Variants in MIPEP observed in about 807,000 individuals in gnomAD.
The protein encoded by MIPEP is mitochondrial intermediate peptidase.
Under a neutral mutation model 90.3 loss-of-function variants are expected in MIPEP, and 79 were observed. The observed-to-expected ratio is 0.87, with a 90% CI of 0.73 to 1.05. The LOEUF (loss-of-function observed/expected upper bound fraction) is 1.05, where lower values mean the gene tolerates loss of function less well. MIPEP is among the 50% of genes least tolerant of loss of function. The pLI is 0.00. For synonymous variants in MIPEP, 334 were observed against 315.8 expected (o/e 1.06, Z -0.61); for missense variants, 940 against 905.6 (o/e 1.04, Z -0.49).
intron 16 of MIPEP, among the ~76,000 whole-genome samples, chr13:23,762,086 CT>C (rs1266282139): frequency 2.0e-5 from 3 of 152,056 alleles, no homozygotes; most frequent in African/African-American, 7.2e-5. Context: ...GATCGCACCA[CT>C]GCACTCCAGC....
chr13:23,764,737 A>T (rs567886515), intron 16 of MIPEP, among the ~76,000 whole-genome samples: 18 of 152,144 alleles, frequency 1.2e-4, no homozygotes, highest in East Asian at 1.2e-3. Context: ...TTTAAAAAAA[A>T]TTTTTGTAGA....
chr13:23,811,438 CT>C (rs1438414084), intron 14 of MIPEP, among the ~76,000 whole-genome samples: 8 of 152,138 alleles, frequency 5.3e-5, no homozygotes, highest in Admixed American at 2.6e-4. Flanking sequence ...TATAGTTAAA[CT>C]TTGAGGCTAG....
At chr13:23,780,376 G>A (rs1253120618) in intron 16 of MIPEP, among the ~76,000 whole-genome samples, 1 of 152,222 alleles carries the variant, frequency 6.6e-6, no homozygotes, top group African/African-American at 2.4e-5. Context: ...AACTCCAACA[G>A]ACCTGCAGCT....
At chr13:23,758,292 AT>A (rs990008423) in intron 17 of MIPEP, among the ~76,000 whole-genome samples, 2 of 152,120 alleles carry the variant, frequency 1.3e-5, no homozygotes, top group Non-Finnish European at 2.9e-5. Context: ...TGGCTTTCTG[AT>A]GTAGGCTCCA....
chr13:23,802,978 A>ATCAT (rs1953062690), intron 16 of MIPEP, among the ~76,000 whole-genome samples: 1 of 152,220 alleles, frequency 6.6e-6, no homozygotes, highest in Non-Finnish European at 1.5e-5. Flanking sequence ...GACTTATGAT[A>ATCAT]GTTTCAACTT....
At chr13:23,837,431 T>C in intron 13 of MIPEP, 121 bp downstream of exon 13, 1 of 756,568 alleles carries the variant, frequency 1.3e-6, no homozygotes, top group South Asian at 1.9e-5. Context: ...CAATCTGAGA[T>C]AAAGACCACA....
chr13:23,835,880 GC>G (rs1412880847), intron 14 of MIPEP, among the ~76,000 whole-genome samples: 2 of 152,278 alleles, frequency 1.3e-5, no homozygotes, highest in East Asian at 3.9e-4. Flanking sequence ...ATATTCAGAA[GC>G]AAAGGCTTTT....
chr13:23,846,953 C>T (rs1869572223), intron 10 of MIPEP, among the ~76,000 whole-genome samples: 1 of 152,098 alleles, frequency 6.6e-6, no homozygotes. Flanking sequence ...AATACTATCA[C>T]CCTATGTTAC....
intron 3 of MIPEP, among the ~76,000 whole-genome samples, chr13:23,880,675 A>G (rs1423086433): frequency 8.5e-5 from 13 of 152,120 alleles, no homozygotes; most frequent in African/African-American, 2.2e-4. Flanking sequence ...CATGCCCAGT[A>G]TCTGCACTCT....
chr13:23,762,772 C>T (rs1170764767), intron 16 of MIPEP, among the ~76,000 whole-genome samples: 1 of 152,196 alleles, frequency 6.6e-6, no homozygotes, highest in Admixed American at 6.5e-5. Flanking sequence ...TGTATCCCTA[C>T]CTCACAGGAT....
intron 16 of MIPEP, among the ~76,000 whole-genome samples, chr13:23,796,787 G>A (rs540305094): frequency 6.6e-6 from 1 of 152,202 alleles, no homozygotes; most frequent in Non-Finnish European, 1.5e-5. Context: ...AGCTGGTACA[G>A]TGGTTACTTT....
At chr13:23,796,089 A>G (rs1324541136) in intron 16 of MIPEP, among the ~76,000 whole-genome samples, 2 of 152,172 alleles carry the variant, frequency 1.3e-5, no homozygotes, top group African/African-American at 2.4e-5. Flanking sequence ...ATGTATATAC[A>G]TGTATGCTCT....
At chr13:23,764,821 T>G (rs1952578155) in intron 16 of MIPEP, among the ~76,000 whole-genome samples, 1 of 152,234 alleles carries the variant, frequency 6.6e-6, no homozygotes, top group South Asian at 2.1e-4. Flanking sequence ...CCTTGTCAAG[T>G]GCTGGGATTA....
chr13:23,843,230 C>T (rs1467100034), intron 10 of MIPEP, among the ~76,000 whole-genome samples: 1 of 151,930 alleles, frequency 6.6e-6, no homozygotes, highest in Non-Finnish European at 1.5e-5. Context: ...CATAAAATAG[C>T]CTGGTAACTT....
intron 9 of MIPEP, 38 bp from the exon 10 acceptor site, chr13:23,858,950 ACT>A: frequency 1.3e-6 from 2 of 1,573,952 alleles, no homozygotes; most frequent in Non-Finnish European, 1.7e-6. Flanking sequence ...AAAGCTACTG[ACT>A]CTTTCATAGT....
At chr13:23,796,608 C>T (rs546615326) in intron 16 of MIPEP, among the ~76,000 whole-genome samples, 3 of 151,360 alleles carry the variant, frequency 2.0e-5, no homozygotes, top group Non-Finnish European at 2.9e-5. Context: ...AAAAACTCCA[C>T]GTAGTAAATG....
chr13:23,740,825 T>G (rs960231721), intron 18 of MIPEP, among the ~76,000 whole-genome samples: 2 of 152,204 alleles, frequency 1.3e-5, no homozygotes, highest in African/African-American at 4.8e-5. Context: ...GATAGGAAGA[T>G]GCACAGAGGG....
chr13:23,864,241 C>T (rs1273177454), intron 7 of MIPEP, 52 bp from the exon 8 acceptor site: 2 of 1,210,058 alleles, frequency 1.7e-6, no homozygotes, highest in African/African-American at 1.5e-5. Flanking sequence ...ATAAAATGAA[C>T]ATATCTGTTA....
At chr13:23,770,763 A>G (rs974391449) in intron 16 of MIPEP, among the ~76,000 whole-genome samples, 1 of 152,166 alleles carries the variant, frequency 6.6e-6, no homozygotes, top group African/African-American at 2.4e-5. Flanking sequence ...AGATTTATTG[A>G]AGAGGGGGTA....
Sources: gnomAD v4.1 joint callset for allele counts (sites outside exome capture counted in the v4.1 genomes callset) on GRCh38, gnomAD v4.1.1 for gene constraint, MANE v1.5 for transcripts, NCBI Gene and HGNC (gene_info 2026-07-23, HGNC 2026-07-21) for gene names.